The following RHBDL3 variants were observed in gnomAD, a reference collection of about 807,000 sequenced individuals.
The protein encoded by RHBDL3 is rhomboid like 3.
Under a neutral mutation model 48.2 loss-of-function variants are expected in RHBDL3, and 28 were observed. That is an observed-to-expected ratio of 0.58 (90% CI 0.43 to 0.80). The LOEUF (loss-of-function observed/expected upper bound fraction) is 0.80, where lower values mean the gene tolerates loss of function less well. RHBDL3 is among the 30% of genes least tolerant of loss of function. The pLI is 0.00. For missense variants in RHBDL3, 464 were observed against 542.7 expected (o/e 0.85, Z 1.44); for synonymous variants, 208 against 232.3 (o/e 0.90, Z 0.95).
rs1465181172 is a variant in RHBDL3 at position 32,316,275 on chromosome 17, C to T, written c.926C>T (p.Ala309Val). The T allele has an allele frequency of 6.2e-7, 1 of 1,613,674 alleles. No individual in the cohort carries two copies. Among genetic ancestry groups the T allele is most frequent in the Non-Finnish European group, 8.5e-7 (1 of 1,179,600 alleles). Residue 309 changes from alanine to valine, a missense_variant, in exon 8 of 9, where the codon GCT becomes GTT. Physicochemically the swap from Ala to Val is moderately conservative, Grantham distance 64. Transcript: ENST00000269051. ...MKCQFKLLRM[A>V]VALICMSMEF... ...TGCCAGTTCAAGCTGCTGCGGATGG[C>T]TGTGGCCCTTATCTGTAGTAAGTAC...
chr17:32,305,515 C>A, intron 7 of RHBDL3, 74 bp downstream of exon 7: 1 of 1,096,472 alleles, frequency 9.1e-7, no homozygotes, highest in Non-Finnish European at 1.4e-6. Context: ...TATTAATCCA[C>A]TGGGGCTGGC....
At position 32,267,712 on chromosome 17, in the gene RHBDL3, G is replaced by A. The variant is rs1019989814; in HGVS notation, c.112-190G>A. ...GAGTTTCCTCCCTCTGCTCAGTGTGGACTCATTGGGGAGCTCCTCCCAGAC... is the reference window on the plus strand; with the variant it reads ...GAGTTTCCTCCCTCTGCTCAGTGTGAACTCATTGGGGAGCTCCTCCCAGAC... On this transcript the variant is annotated intron_variant, in intron 1 of 8. Coordinates refer to ENST00000269051, the MANE Select transcript of RHBDL3 (RefSeq NM_138328.3). 4.2e-6 allele frequency: 6 copies of A among 1,421,276 alleles called. No homozygotes were observed. The South Asian group carries it at 7.5e-5, about 18-fold the overall frequency. 88.0% of individuals were successfully genotyped at this position (1,421,276 alleles called of 1,614,324 possible). A position where few individuals can be genotyped will look rare whatever the true frequency, so the allele number is the denominator to read the frequency against.
intron 1 of RHBDL3, among the ~76,000 whole-genome samples, chr17:32,266,979 G>A (rs1567757719): frequency 6.6e-6 from 1 of 152,080 alleles, no homozygotes; most frequent in East Asian, 1.9e-4. Flanking sequence ...TGCTGCTCGG[G>A]TCTCCATCCC....
At chr17:32,309,810 C>T (rs1193381289) in intron 7 of RHBDL3, among the ~76,000 whole-genome samples, 22 of 120,866 alleles carry the variant, frequency 1.8e-4, no homozygotes, top group African/African-American at 5.8e-4. Flanking sequence ...GACAGGGTTT[C>T]GCTGTGTCAC....
chr17:32,317,919 G>C (rs1348700459), intron 8 of RHBDL3, among the ~76,000 whole-genome samples: 2 of 151,974 alleles, frequency 1.3e-5, no homozygotes, highest in Non-Finnish European at 2.9e-5. Flanking sequence ...AGAAGCAATG[G>C]AGGTAGGGGT....
intron 2 of RHBDL3, among the ~76,000 whole-genome samples, chr17:32,270,560 A>G (rs1414719504): frequency 1.3e-5 from 2 of 152,024 alleles, no homozygotes; most frequent in Non-Finnish European, 2.9e-5. Flanking sequence ...ACTGGAGGTG[A>G]TGAAAGCAGG....
chr17:32,288,650 A>T, intron 3 of RHBDL3, 142 bp from the exon 4 acceptor site: 1 of 633,902 alleles, frequency 1.6e-6, no homozygotes, highest in Non-Finnish European at 2.8e-6. Flanking sequence ...GACCTTGGTG[A>T]ATGTTGCTTC....
At chr17:32,285,128 GGGAGAGAGAGAGGGAGGGAGGGAT>G in intron 3 of RHBDL3, among the ~76,000 whole-genome samples, 1 of 151,540 alleles carries the variant, frequency 6.6e-6, no homozygotes, top group South Asian at 2.1e-4. Context: ...GAGGGAGGGA[GGGAGAGAGAGAGGGAGGGAGGGAT>G]GGAGGGAAGG....
chr17:32,307,345 G>A (rs980266133), intron 7 of RHBDL3, among the ~76,000 whole-genome samples: 5 of 152,142 alleles, frequency 3.3e-5, no homozygotes, highest in East Asian at 1.9e-4. Context: ...CAGTGTCTTC[G>A]CCCACGTGGC....
At chr17:32,318,362 C>T (rs1288069783) in intron 8 of RHBDL3, among the ~76,000 whole-genome samples, 1 of 149,482 alleles carries the variant, frequency 6.7e-6, no homozygotes, top group African/African-American at 2.5e-5. Flanking sequence ...AAAGGCCAGG[C>T]GCAGTGGCTC....
Position 32,276,266 on chromosome 17 carries a change from G to GA in RHBDL3, c.135+8344dup, listed in dbSNP as rs1363846364. Reference sequence around the variant, plus strand: ...AGAACAAAAAAACAAAAAAAATTGTGAAAGTCAGTATTTTAAAGAGTCAGG... The same window carrying GA: ...AGAACAAAAAAACAAAAAAAATTGTGAAAAGTCAGTATTTTAAAGAGTCAGG... On this transcript the variant is annotated intron_variant, in intron 2 of 8. Coordinates refer to ENST00000269051, the MANE Select transcript of RHBDL3 (RefSeq NM_138328.3). Among the ~76,000 whole-genome samples, 6 of 152,224 alleles carry GA rather than the reference G, an allele frequency of 3.9e-5. No individual in the cohort carries two copies. The East Asian group carries it at 1.2e-3, about 29-fold the overall frequency.
chr17:32,283,472 C>T (rs920552257), intron 2 of RHBDL3, among the ~76,000 whole-genome samples: 8 of 151,714 alleles, frequency 5.3e-5, no homozygotes, highest in African/African-American at 1.2e-4. Context: ...TACAGGCGCA[C>T]ACCACCACGC....
intron 2 of RHBDL3, among the ~76,000 whole-genome samples, chr17:32,273,510 T>C (rs993263414): frequency 7.2e-5 from 11 of 152,208 alleles, no homozygotes; most frequent in Admixed American, 5.2e-4. Context: ...GTTCTGCTCC[T>C]ACTAGGTGTG....
chr17:32,319,583 G>A (rs562994162), intron 8 of RHBDL3, among the ~76,000 whole-genome samples: 1 of 152,262 alleles, frequency 6.6e-6, no homozygotes, highest in South Asian at 2.1e-4. Context: ...GAGTGCGGAG[G>A]GCGGAGGGTC....
chr17:32,316,873 T>C (rs1364275843), intron 8 of RHBDL3, among the ~76,000 whole-genome samples: 2 of 151,102 alleles, frequency 1.3e-5, no homozygotes, highest in African/African-American at 2.4e-5. Context: ...TTATTTATTT[T>C]ATTTTATTTT....
At chr17:32,267,255 A>C (rs1466043338) in intron 1 of RHBDL3, among the ~76,000 whole-genome samples, 1 of 151,822 alleles carries the variant, frequency 6.6e-6, no homozygotes, top group African/African-American at 2.4e-5. Flanking sequence ...CTGGCCCTAA[A>C]CCCCTGGCAG....
intron 2 of RHBDL3, among the ~76,000 whole-genome samples, chr17:32,270,132 CAAAAAAAA>C (rs66986205): frequency 0.012 from 815 of 68,148 alleles, 11 homozygotes; most frequent in African/African-American, 0.043. Context: ...GACCCTTTCT[CAAAAAAAA>C]AAAAAAAAAA....
intron 2 of RHBDL3, among the ~76,000 whole-genome samples, chr17:32,269,698 C>T (rs1051156317): frequency 4.6e-5 from 7 of 152,250 alleles, no homozygotes; most frequent in African/African-American, 1.7e-4. Flanking sequence ...GCTGCCAGCC[C>T]TTCACACCTC....
intron 2 of RHBDL3, among the ~76,000 whole-genome samples, chr17:32,272,251 G>A (rs1352421807): frequency 1.3e-5 from 2 of 152,222 alleles, no homozygotes; most frequent in Non-Finnish European, 2.9e-5. Flanking sequence ...CAACACTTCT[G>A]AGCCCAGAGG....
Sources: gnomAD v4.1 joint callset for allele counts (sites outside exome capture counted in the v4.1 genomes callset) on GRCh38, gnomAD v4.1.1 for gene constraint, MANE v1.5 for transcripts, NCBI Gene and HGNC (gene_info 2026-07-23, HGNC 2026-07-21) for gene names.